Variants in NACC2 observed in about 807,000 individuals in gnomAD.
The protein encoded by NACC2 is NACC family member 2, also known as nucleus accumbens-associated protein 2.
A neutral mutation model predicts 25.1 loss-of-function variants in NACC2; 8 were observed. The ratio of observed to expected loss-of-function variants is 0.32; its 90% CI spans 0.19 to 0.57. NACC2 has a LOEUF of 0.57. Ranked by LOEUF, NACC2 falls within the 20% of genes least tolerant of loss-of-function variation. NACC2 has a pLI of 0.89. For synonymous variants in NACC2, 435 were observed against 294.7 expected, an observed-to-expected ratio of 1.48 and a Z score of -4.88; for missense variants, 644 against 650.2, an observed-to-expected ratio of 0.99 and a Z score of 0.10.
At chr9:136,033,469 C>CCCCTACTAAAT (rs1213705566) in intron 2 of NACC2, among the ~76,000 whole-genome samples, 6 of 151,310 alleles carry the variant, frequency 4.0e-5, no homozygotes, top group Non-Finnish European at 7.4e-5. Context: ...CATGGTGAAA[C>CCCCTACTAAAT]CCCTACTAAA....
chr9:136,053,007 G>C (rs1840870730), intron 1 of NACC2, among the ~76,000 whole-genome samples: 1 of 152,236 alleles, frequency 6.6e-6, no homozygotes, highest in African/African-American at 2.4e-5. Flanking sequence ...TGACCCCCAG[G>C]AAGAGCACAT....
chr9:136,062,117 C>T (rs982852226), intron 1 of NACC2, among the ~76,000 whole-genome samples: 3 of 12,912 alleles, frequency 2.3e-4, no homozygotes, highest in African/African-American at 3.8e-4. Flanking sequence ...CAGAGCGAGA[C>T]AGGACAGGAC....
At chr9:136,076,566 G>C (rs918613944) in intron 1 of NACC2, among the ~76,000 whole-genome samples, 5 of 152,096 alleles carry the variant, frequency 3.3e-5, no homozygotes, top group Non-Finnish European at 7.4e-5. Context: ...GTGTTCAATG[G>C]GTGCAGTTTC....
Position 136,009,474 on chromosome 9 carries a change from G to C in NACC2, c.*2042C>G, listed in dbSNP as rs906596769. ...CCCCTGGACGTGGGCCCTGAGGAAT[G>C]GGTGGAGGGGCCGAGGTTAGCGTCC... On this transcript the variant is annotated 3_prime_UTR_variant, in exon 6 of 6. Transcript: ENST00000277554. The C allele has an allele frequency of 6.6e-6, 1 of 152,322 alleles. No individual in the cohort carries two copies. The highest frequency in any genetic ancestry group is 1.9e-4 in the East Asian group (1 of 5,186). 9.4% of individuals were successfully genotyped at this position (152,322 alleles called of 1,614,324 possible). A position where few individuals can be genotyped will look rare whatever the true frequency, so the allele number is the denominator to read the frequency against.
intron 1 of NACC2, among the ~76,000 whole-genome samples, chr9:136,079,418 G>A (rs1294317717): frequency 1.3e-5 from 2 of 152,196 alleles, no homozygotes; most frequent in South Asian, 2.1e-4. Context: ...CGTGGACTCC[G>A]GGGGCCCTGC....
At chr9:136,074,679 C>G (rs995300393) in intron 1 of NACC2, among the ~76,000 whole-genome samples, 1 of 151,978 alleles carries the variant, frequency 6.6e-6, no homozygotes, top group East Asian at 2.0e-4. Flanking sequence ...CAATACTGAC[C>G]GTGCCTCCAC....
chr9:136,052,778 CG>C (rs938717796), intron 1 of NACC2, among the ~76,000 whole-genome samples: 2 of 152,236 alleles, frequency 1.3e-5, no homozygotes, highest in Non-Finnish European at 2.9e-5. Flanking sequence ...CTCCTGGCTG[CG>C]GCCACACAGG....
chr9:136,046,975 A>G (rs1245477354), intron 2 of NACC2, among the ~76,000 whole-genome samples: 3 of 152,188 alleles, frequency 2.0e-5, no homozygotes, highest in Non-Finnish European at 2.9e-5. Context: ...AGGCACACGC[A>G]TTACCACACA....
intron 1 of NACC2, among the ~76,000 whole-genome samples, chr9:136,053,438 C>G (rs906300642): frequency 6.6e-6 from 1 of 152,250 alleles, no homozygotes; most frequent in South Asian, 2.1e-4. Flanking sequence ...CGTCCCCACT[C>G]GGCCATGCTG....
At chr9:136,068,335 CA>C (rs1459253543) in intron 1 of NACC2, among the ~76,000 whole-genome samples, 2 of 148,098 alleles carry the variant, frequency 1.4e-5, no homozygotes, top group African/African-American at 5.3e-5. Flanking sequence ...CTGTCTCTAC[CA>C]AAAAATACAA....
chr9:136,074,711 C>A (rs1361833309), intron 1 of NACC2, among the ~76,000 whole-genome samples: 2 of 151,944 alleles, frequency 1.3e-5, no homozygotes, highest in African/African-American at 4.8e-5. Context: ...CTAAACTGCA[C>A]CGACAGATGA....
At chr9:136,036,764 C>T (rs1588566022) in intron 2 of NACC2, among the ~76,000 whole-genome samples, 1 of 152,158 alleles carries the variant, frequency 6.6e-6, no homozygotes, top group Admixed American at 6.5e-5. Flanking sequence ...ATAATCAGAA[C>T]CTCAGTGACA....
At chr9:136,027,561 A>C (rs928477118) in intron 2 of NACC2, among the ~76,000 whole-genome samples, 4 of 152,236 alleles carry the variant, frequency 2.6e-5, no homozygotes, top group Non-Finnish European at 5.9e-5. Context: ...CATAACAAAA[A>C]AGATGACCAG....
rs949432055 is a variant in NACC2 at position 136,040,563 on chromosome 9, C to T, written c.886+9073G>A. Among the ~76,000 whole-genome samples the T allele has an allele frequency of 1.2e-4, 19 of 152,098 alleles. No individual in the cohort carries two copies. The East Asian group carries it at 2.3e-3, about 19-fold the overall frequency. ...AGACTTGTACCTAAATGCTCACAGC[C>T]GCATTATTCAAAATAGCCAACAAGC... is the stretch of plus-strand genomic sequence containing the variant. On this transcript the variant is annotated intron_variant, in intron 2 of 5. Transcript: ENST00000277554.
At chr9:136,015,476 G>C (rs12349022) in intron 3 of NACC2, among the ~76,000 whole-genome samples, 1 of 152,210 alleles carries the variant, frequency 6.6e-6, no homozygotes, top group African/African-American at 2.4e-5. Context: ...CAGCTGGAAG[G>C]CGAGGCCAGC....
In NACC2 at chr9:136,009,492, T is replaced by G. The variant is rs1840072580; in HGVS notation, c.*2024A>C. On this transcript the variant is annotated 3_prime_UTR_variant, in exon 6 of 6. Coordinates refer to ENST00000277554, the MANE Select transcript of NACC2 (RefSeq NM_144653.5). ...GAGGAATGGGTGGAGGGGCCGAGGT[T>G]AGCGTCCACAGTGCCTGCCCATGGT... 1 of 152,320 alleles carries G rather than the reference T, an allele frequency of 6.6e-6. No homozygotes were observed. Among genetic ancestry groups the G allele is most frequent in the African/African-American group, 2.4e-5 (1 of 41,462 alleles). The allele number at this position is 152,320 out of a possible 1,614,324, so 9.4% of individuals were successfully genotyped here. A position where few individuals can be genotyped will look rare whatever the true frequency, so the allele number is the denominator to read the frequency against.
At position 136,066,056 on chromosome 9, in the gene NACC2, G is replaced by A. The variant is rs148738045; in HGVS notation, c.-59-15476C>T. Among the ~76,000 whole-genome samples, 618 of 152,086 alleles carry A rather than the reference G, an allele frequency of 4.1e-3. 4 individuals are homozygous for A. The highest frequency in any genetic ancestry group is 0.014 in the African/African-American group (575 of 41,504). On this transcript the variant is annotated intron_variant, in intron 1 of 5. Transcript: ENST00000277554. ...TAAAAATACAAAACTAGCCGGGTGTGGTGGTGGGTGCCTGTAACCCCAGCT... is the reference window on the plus strand; with the variant it reads ...TAAAAATACAAAACTAGCCGGGTGTAGTGGTGGGTGCCTGTAACCCCAGCT...
At chr9:136,089,254 G>T (rs1830410616) in intron 1 of NACC2, among the ~76,000 whole-genome samples, 2 of 152,054 alleles carry the variant, frequency 1.3e-5, no homozygotes, top group South Asian at 2.1e-4. Context: ...TCTGAGCCAG[G>T]CTCTGGCCAG....
chr9:136,022,768 C>T lies in NACC2; in HGVS notation c.887-6339G>A, dbSNP rs912444184. Among the ~76,000 whole-genome samples the T allele has an allele frequency of 2.0e-5, 3 of 152,040 alleles. No individual in the cohort carries two copies. Among genetic ancestry groups the T allele is most frequent in the African/African-American group, 7.2e-5 (3 of 41,396 alleles). ...AGAAAGACCAGAAACGACTTCCACGCTGTACTTGGTGGGAGCACAGAGGCC... is the reference window on the plus strand; with the variant it reads ...AGAAAGACCAGAAACGACTTCCACGTTGTACTTGGTGGGAGCACAGAGGCC... On this transcript the variant is annotated intron_variant, in intron 2 of 5. Transcript: ENST00000277554. The surrounding 1 kb of genome is among the most constrained non-coding windows in gnomAD (Gnocchi z 4.4).
Sources: gnomAD v4.1 joint callset for allele counts (sites outside exome capture counted in the v4.1 genomes callset) on GRCh38, gnomAD v4.1.1 for gene constraint, Gnocchi (gnomAD v3.1) non-coding constraint, MANE v1.5 for transcripts, NCBI Gene and HGNC (gene_info 2026-07-23, HGNC 2026-07-21) for gene names.